The following ITCH variants were observed in gnomAD, a reference collection of about 807,000 sequenced individuals.
ITCH encodes itchy E3 ubiquitin protein ligase.
Under a neutral mutation model 126.8 loss-of-function variants are expected in ITCH, and 28 were observed. That is an observed-to-expected ratio of 0.22 (90% CI 0.16 to 0.30). ITCH has a LOEUF of 0.30. Among genes scored for constraint, ITCH ranks in the 10% least tolerant of loss-of-function variants. ITCH has a pLI of 1.00. For synonymous variants in ITCH, 342 were observed against 340.0 expected (o/e 1.01, Z -0.06); for missense variants, 631 against 1,032.4 (o/e 0.61, Z 5.33).
At chr20:34,502,184 C>G (rs1326770843) in intron 23 of ITCH, among the ~76,000 whole-genome samples, 1 of 152,106 alleles carries the variant, frequency 6.6e-6, no homozygotes, top group Non-Finnish European at 1.5e-5. Context: ...CTGTTACATA[C>G]TAATGTGCAT....
Position 34,461,962 on chromosome 20 carries a change from A to C in ITCH, c.1296-131A>C. 3.6e-6 allele frequency: 3 copies of C among 840,308 alleles called. No individual in the cohort carries two copies. The South Asian group carries it at 4.6e-5, about 13-fold the overall frequency. 52.1% of individuals were successfully genotyped at this position (840,308 alleles called of 1,614,324 possible). On this transcript the variant is annotated intron_variant, in intron 13 of 24. Coordinates refer to ENST00000374864, the MANE Select transcript of ITCH (RefSeq NM_031483.7). ...ATGTCCACATAGAGATGTCTAGTAT[A>C]CAACTGAATTACTGAACTGAATGGT...
intron 2 of ITCH, among the ~76,000 whole-genome samples, chr20:34,382,728 CTATTATTAT>C (rs374784508): frequency 9.3e-5 from 13 of 139,930 alleles, no homozygotes; most frequent in African/African-American, 2.1e-4. Flanking sequence ...TTTATTATTA[CTATTATTAT>C]TATTATTATT....
chr20:34,427,601 C>G (rs1266495461), intron 7 of ITCH, among the ~76,000 whole-genome samples: 1 of 151,308 alleles, frequency 6.6e-6, no homozygotes, highest in Non-Finnish European at 1.5e-5. Context: ...ACAGTTAGAC[C>G]CTGTGTCAAA....
chr20:34,507,272 T>TG (rs1990683041), intron 24 of ITCH, among the ~76,000 whole-genome samples: 2 of 82,124 alleles, frequency 2.4e-5, no homozygotes, highest in Non-Finnish European at 5.7e-5. Flanking sequence ...TGTTTTTTTT[T>TG]TTTTTTTTTT....
intron 18 of ITCH, among the ~76,000 whole-genome samples, chr20:34,480,010 C>T (rs546328564): frequency 2.0e-4 from 30 of 152,066 alleles, no homozygotes; most frequent in African/African-American, 6.3e-4. Flanking sequence ...TCAGTTCTCC[C>T]GCCTCAGCCT....
At chr20:34,473,965 C>T (rs1196004409) in intron 16 of ITCH, among the ~76,000 whole-genome samples, 12 of 152,176 alleles carry the variant, frequency 7.9e-5, no homozygotes, top group Admixed American at 6.5e-4. Context: ...AGATCTCTGC[C>T]TTCACCTACA....
At position 34,508,599 on chromosome 20, in the gene ITCH, CCAGGAGTTAAAGA is replaced by C. The variant is rs1978412273; in HGVS notation, c.*807_*819del. 6.6e-6 allele frequency: 1 copy of C among 152,020 alleles called. No individual in the cohort carries two copies. The highest frequency in any genetic ancestry group is 2.4e-5 in the African/African-American group (1 of 41,364). 9.4% of individuals were successfully genotyped at this position (152,020 alleles called of 1,614,324 possible). A position where few individuals can be genotyped will look rare whatever the true frequency, so the allele number is the denominator to read the frequency against. On this transcript the variant is annotated 3_prime_UTR_variant, in exon 25 of 25. Coordinates refer to ENST00000374864, the MANE Select transcript of ITCH (RefSeq NM_031483.7). Reference sequence around the variant, plus strand: ...GCCGAGGCAGGAGGATCCCTTTAGCCCAGGAGTTAAAGACCAGCCTGGGCAACATAGGGAGACC... The same window carrying C: ...GCCGAGGCAGGAGGATCCCTTTAGCCCCAGCCTGGGCAACATAGGGAGACC...
intron 12 of ITCH, among the ~76,000 whole-genome samples, chr20:34,456,805 C>T (rs1419722496): frequency 6.6e-6 from 1 of 151,386 alleles, no homozygotes; most frequent in Non-Finnish European, 1.5e-5. Flanking sequence ...TGGTCTCAAA[C>T]TCCTGAGCTC....
chr20:34,475,605 G>GTAC (rs1988128419), intron 16 of ITCH, among the ~76,000 whole-genome samples: 1 of 152,084 alleles, frequency 6.6e-6, no homozygotes, highest in Non-Finnish European at 1.5e-5. Context: ...GATGGCAGCA[G>GTAC]TACAGTCCAG....
chr20:34,489,317 T>C lies in ITCH; in HGVS notation c.2145T>C (p.Ala715=). ...GAGGTGTTGAAGAACAGACACAAGCTTTCTTTGAAGGCTTTAATGAAATTC... is the reference window on the plus strand; with the variant it reads ...GAGGTGTTGAAGAACAGACACAAGCCTTCTTTGAAGGCTTTAATGAAATTC... ...LSRGVEEQTQ[A]FFEGFNEILP... Residue 715 remains alanine, a synonymous_variant, in exon 21 of 25, where the codon GCT becomes GCC. Transcript: ENST00000374864. 2 of 1,611,938 alleles carry C rather than the reference T, an allele frequency of 1.2e-6. No homozygotes were observed. The highest frequency in any genetic ancestry group is 1.7e-6 in the Non-Finnish European group (2 of 1,178,078).
At chr20:34,402,495 T>C (rs1449669415) in intron 3 of ITCH, 1 of 761,162 alleles carries the variant, frequency 1.3e-6, no homozygotes, top group Admixed American at 1.7e-5. Context: ...ATACATCTGT[T>C]TGTGGATAAC....
In ITCH at chr20:34,378,471, C is replaced by CAAA. The variant is rs35400213; in HGVS notation, c.-22+9022_-22+9024dup. 3.3e-3 allele frequency among the ~76,000 whole-genome samples: 159 copies of CAAA among 47,606 alleles called. 1 individual carries two copies. Among genetic ancestry groups the CAAA allele is most frequent in the East Asian group, 4.3e-3 (6 of 1,384 alleles). 31.2% of individuals were successfully genotyped at this position (47,606 alleles called of 152,430 possible). ...CTGGGCGATGAGCGAAACTCTGTCT[C>CAAA]AAAAAAAAAAAAAAAAAAAAAAAGA... On this transcript the variant is annotated intron_variant, in intron 2 of 24. Coordinates refer to ENST00000374864, the MANE Select transcript of ITCH (RefSeq NM_031483.7).
chr20:34,407,789 G>A (rs1203347081), intron 3 of ITCH, among the ~76,000 whole-genome samples: 1 of 152,118 alleles, frequency 6.6e-6, no homozygotes, highest in Admixed American at 6.5e-5. Flanking sequence ...TTACTACCAA[G>A]TCATTTTCTG....
intron 2 of ITCH, among the ~76,000 whole-genome samples, chr20:34,379,104 C>G (rs1435848686): frequency 1.3e-5 from 2 of 152,244 alleles, no homozygotes; most frequent in East Asian, 3.9e-4. Context: ...CAGAATGTTG[C>G]TTACATCTCT....
chr20:34,373,551 T>C (rs934065898), intron 2 of ITCH, among the ~76,000 whole-genome samples: 8 of 152,132 alleles, frequency 5.3e-5, no homozygotes, highest in East Asian at 3.8e-4. Flanking sequence ...GCTGGAATTA[T>C]AGGCATTCGG....
At chr20:34,392,218 T>C (rs1250630002) in intron 2 of ITCH, among the ~76,000 whole-genome samples, 12 of 152,192 alleles carry the variant, frequency 7.9e-5, no homozygotes. Flanking sequence ...GGCTTTTAGG[T>C]TACATCTCAT....
intron 23 of ITCH, among the ~76,000 whole-genome samples, chr20:34,495,284 A>AG (rs1989788482): frequency 7.6e-6 from 1 of 131,804 alleles, no homozygotes; most frequent in Non-Finnish European, 1.6e-5. Flanking sequence ...ATAAATAAAT[A>AG]AATAAATAAA....
chr20:34,488,601 T>C (rs568482728), intron 20 of ITCH, among the ~76,000 whole-genome samples: 1 of 152,124 alleles, frequency 6.6e-6, no homozygotes, highest in Non-Finnish European at 1.5e-5. Flanking sequence ...TAATGCCAGC[T>C]ACTCGGGAGG....
At chr20:34,457,340 C>A in intron 12 of ITCH, 50 bp from the exon 13 acceptor site, 2 of 1,168,886 alleles carry the variant, frequency 1.7e-6, no homozygotes, top group Non-Finnish European at 2.6e-6. Flanking sequence ...AGCAAGAAGA[C>A]TATGCCAATG....
Sources: allele counts gnomAD v4.1 joint callset (sites outside exome capture counted in the v4.1 genomes callset), GRCh38; gene constraint gnomAD v4.1.1; transcripts MANE v1.5; gene names NCBI Gene and HGNC (gene_info 2026-07-23, HGNC 2026-07-21).